The following NUP85 variants were observed in gnomAD, a reference collection of about 807,000 sequenced individuals.
The protein encoded by NUP85 is nuclear pore complex protein Nup85.
Under a neutral mutation model 92.8 loss-of-function variants are expected in NUP85, and 23 were observed. That is an observed-to-expected ratio of 0.25 (90% CI 0.18 to 0.35). The LOEUF (loss-of-function observed/expected upper bound fraction) is 0.35. Ranked by LOEUF, NUP85 falls within the 10% of genes least tolerant of loss-of-function variation. The pLI, the probability that NUP85 is intolerant of heterozygous loss-of-function variation, is 1.00. For synonymous variants in NUP85, 314 were observed against 306.9 expected (o/e 1.02, Z -0.24); for missense variants, 759 against 822.8 (o/e 0.92, Z 0.95).
intron 11 of NUP85, among the ~76,000 whole-genome samples, chr17:75,229,873 C>T (rs2075977315): frequency 1.3e-5 from 2 of 152,162 alleles, no homozygotes; most frequent in South Asian, 2.1e-4. Context: ...AGCCTTTTCA[C>T]TGGCTTCTCC....
chr17:75,235,065 G>A (rs367584941), intron 17 of NUP85, 35 bp from the exon 18 acceptor site: 26 of 1,551,240 alleles, frequency 1.7e-5, no homozygotes, highest in Admixed American at 3.4e-5. Context: ...GGCCAGGGCT[G>A]GGGGCAGCCA....
chr17:75,218,588 G>GTTT (rs67761124), intron 7 of NUP85, among the ~76,000 whole-genome samples: 2,416 of 82,640 alleles, frequency 0.029, 313 homozygotes, highest in Non-Finnish European at 0.039. Context: ...ATACAAAACC[G>GTTT]TTTTTTTTTT....
chr17:75,207,145 C>T (rs2075109364), intron 1 of NUP85, among the ~76,000 whole-genome samples: 3 of 151,608 alleles, frequency 2.0e-5, no homozygotes, highest in African/African-American at 7.3e-5. Context: ...TCCTTGTGAG[C>T]AATTTGTGAG....
At position 75,212,026 on chromosome 17, in the gene NUP85, A is replaced by C. The variant is rs548736873; in HGVS notation, c.325A>C (p.Ile109Leu). Residue 109 changes from isoleucine to leucine, a missense_variant, in exon 4 of 19, where the codon ATC becomes CTC. Transcript: ENST00000245544. ...VRVSKNYRSVIRACMEEMHQV... is the reference protein window; with the variant it reads ...VRVSKNYRSVLRACMEEMHQV... ...AGTGAGTAAAAACTACCGATCAGTCATCAGAGCATGTATGGAGGAAATGCA... is the reference window on the plus strand; with the variant it reads ...AGTGAGTAAAAACTACCGATCAGTCCTCAGAGCATGTATGGAGGAAATGCA... The C allele has an allele frequency of 3.7e-6, 6 of 1,613,752 alleles. No homozygotes were observed. In the African/African-American group the frequency reaches 8.0e-5, roughly 22 times the overall value.
At chr17:75,211,739 G>T (rs1028450699) in intron 3 of NUP85, among the ~76,000 whole-genome samples, 1 of 152,092 alleles carries the variant, frequency 6.6e-6, no homozygotes, top group Non-Finnish European at 1.5e-5. Flanking sequence ...TTGAGACAAG[G>T]TCTGACCAGT....
rs750326333 is a variant in NUP85, at chr17:75,232,863, G to C, written c.1409G>C (p.Cys470Ser). ...RQMTEQVRSICKILAMKAVRN... is the reference protein window; with the variant it reads ...RQMTEQVRSISKILAMKAVRN... ...TTCCCCTGCAAAGTTCGCAGCATTT[G>C]TAAGATCTTAGCCATGAAAGCCGTC... The change falls in exon 15 of 19, where the codon TGT becomes TCT. Residue 470 changes from cysteine (C) to serine (S), a missense_variant. By Grantham distance (112) the Cys-to-Ser change is moderately radical. Transcript: ENST00000245544. The C allele has an allele frequency of 6.8e-6, 11 of 1,614,148 alleles. No individual in the cohort carries two copies. In the Admixed American group the frequency reaches 8.3e-5, roughly 12 times the overall value.
Position 75,212,221 on chromosome 17 carries a change from A to T in NUP85, c.361+159A>T, listed in dbSNP as rs1345478421. 6.0e-5 allele frequency among the ~76,000 whole-genome samples: 7 copies of T among 116,066 alleles called. 1 individual carries two copies. In the East Asian group the frequency reaches 7.7e-4, roughly 13 times the overall value. 76.1% of individuals were successfully genotyped at this position (116,066 alleles called of 152,430 possible). A position where few individuals can be genotyped will look rare whatever the true frequency, so the allele number is the denominator to read the frequency against. On this transcript the variant is annotated intron_variant, in intron 4 of 18. Coordinates refer to ENST00000245544, the MANE Select transcript of NUP85 (RefSeq NM_024844.5). ...CATAATCCTTACTTTTTTGGTAATCATTTAGAGGTTTTTTTTTTTGTTGTT... is the reference window on the plus strand; with the variant it reads ...CATAATCCTTACTTTTTTGGTAATCTTTTAGAGGTTTTTTTTTTTGTTGTT...
At chr17:75,222,467 T>C (rs935269023) in intron 7 of NUP85, among the ~76,000 whole-genome samples, 1 of 149,472 alleles carries the variant, frequency 6.7e-6, no homozygotes, top group South Asian at 2.1e-4. Flanking sequence ...TTGGGAGTTA[T>C]CAGTATGTAT....
intron 1 of NUP85, among the ~76,000 whole-genome samples, chr17:75,206,621 T>C (rs1409930188): frequency 2.0e-5 from 3 of 149,762 alleles, no homozygotes; most frequent in Non-Finnish European, 4.4e-5. Context: ...TAAATCTGCA[T>C]TTTACCTGTG....
rs1263773852 is a variant in NUP85 at position 75,226,831 on chromosome 17, A to C, written c.1094+674A>C. 5 of 430,184 alleles carry C rather than the reference A, an allele frequency of 1.2e-5. No homozygotes were observed. In the East Asian group the frequency reaches 2.9e-4, roughly 25 times the overall value. The allele number at this position is 430,184 out of a possible 1,614,324, so 26.6% of individuals were successfully genotyped here. ...CAGCAAGCCTGTTTCTTGGCACCTA[A>C]TGGACACCTTATGGGATGGCGTGTT... On this transcript the variant is annotated intron_variant, in intron 11 of 18. Transcript: ENST00000245544.
At chr17:75,212,377 T>G (rs1421023308) in intron 4 of NUP85, among the ~76,000 whole-genome samples, 1 of 149,608 alleles carries the variant, frequency 6.7e-6, no homozygotes, top group Non-Finnish European at 1.5e-5. Flanking sequence ...CAAACGATTC[T>G]CTAGCCTCAG....
intron 4 of NUP85, 144 bp from the exon 5 acceptor site, chr17:75,212,932 T>C: frequency 1.2e-6 from 1 of 823,712 alleles, no homozygotes; most frequent in African/African-American, 1.7e-5. Flanking sequence ...AACAAAAAAA[T>C]CCATAATTAA....
Position 75,235,642 on chromosome 17 carries a change from G to T in NUP85, c.1934G>T (p.Arg645Leu), listed in dbSNP as rs372841934. The change falls in exon 19 of 19, where the codon CGG (arginine) becomes CTG (leucine). Residue 645 changes from arginine (R) to leucine (L), a missense_variant. Physicochemically the swap from Arg to Leu is moderately radical, Grantham distance 102. Transcript: ENST00000245544. The part of the protein sequence containing the change: ...LRLSLARNLA[R>L]AIIREGSLEG... ...CTTTCTCTGGCACGAAATCTTGCTC[G>T]GGCAATTATAAGAGAAGGCTCACTG... The T allele has an allele frequency of 1.2e-6, 2 of 1,614,022 alleles. No homozygotes were observed. Among genetic ancestry groups the T allele is most frequent in the Non-Finnish European group, 8.5e-7 (1 of 1,179,914 alleles).
rs770236589 is a variant in NUP85, at chr17:75,231,926, A to C, written c.1343A>C (p.Gln448Pro). The change falls in exon 14 of 19, where the codon CAG becomes CCG. Residue 448 changes from glutamine to proline, a missense_variant. By Grantham distance (76) the Gln-to-Pro change is moderately conservative. Transcript: ENST00000245544. This position sits in a 1 kb window ranked among gnomAD's most constrained non-coding sequence, Gnocchi z 4.6. ...HIERIPLNTE[Q>P]KALKVLRICE... ...GAGCGGATACCTCTGAACACCGAGC[A>C]GAAAGCCCTGAAGGTGCTGCGGATC... The C allele has an allele frequency of 6.2e-7, 1 of 1,614,224 alleles. No individual in the cohort carries two copies. Among genetic ancestry groups the C allele is most frequent in the East Asian group, 2.2e-5 (1 of 44,874 alleles).
chr17:75,205,694 C>G lies in NUP85; in HGVS notation c.-68C>G, dbSNP rs757370715. 1 of 1,599,730 alleles carries G rather than the reference C, an allele frequency of 6.3e-7. No homozygotes were observed. The highest frequency in any genetic ancestry group is 8.6e-7 in the Non-Finnish European group (1 of 1,167,196). ...GCGGAGTCTTGTCTCGCAGCCAGCTCTGAGCGGGAGGCCTGAGCGGGAAGC... is the reference window on the plus strand; with the variant it reads ...GCGGAGTCTTGTCTCGCAGCCAGCTGTGAGCGGGAGGCCTGAGCGGGAAGC... On this transcript the variant is annotated 5_prime_UTR_variant, in exon 1 of 19. Transcript: ENST00000245544.
At chr17:75,209,165 C>G (rs1189497857) in intron 2 of NUP85, among the ~76,000 whole-genome samples, 2 of 152,042 alleles carry the variant, frequency 1.3e-5, no homozygotes, top group Non-Finnish European at 2.9e-5. Flanking sequence ...GACCAAATTC[C>G]TATCAGTAGC....
chr17:75,208,969 C>G (rs1011118471), intron 2 of NUP85, among the ~76,000 whole-genome samples: 24 of 152,100 alleles, frequency 1.6e-4, no homozygotes, highest in Non-Finnish European at 3.2e-4. Context: ...GTCTCGCACT[C>G]CTGGCCTCAA....
At chr17:75,226,208 C>T (rs1458090300) in intron 11 of NUP85, 51 bp downstream of exon 11, 3 of 1,482,520 alleles carry the variant, frequency 2.0e-6, no homozygotes, top group East Asian at 4.5e-5. Flanking sequence ...GTACAAATAT[C>T]ACCACCTTGC....
At position 75,213,126 on chromosome 17, in the gene NUP85, G is replaced by A. The variant is rs1406120981; in HGVS notation, c.405+7G>A. 1.9e-6 allele frequency: 3 copies of A among 1,613,238 alleles called. No homozygotes were observed. In the African/African-American group the frequency reaches 4.0e-5, roughly 22 times the overall value. On this transcript the variant is annotated splice_region_variant and intron_variant, in intron 5 of 18. Transcript: ENST00000245544. ...CCGCCAGTTCAGCAGCCAGGTAAGG[G>A]GAGTCACCTTTATTGTTTTAGCACC...
Sources: allele counts gnomAD v4.1 joint callset (sites outside exome capture counted in the v4.1 genomes callset), GRCh38; gene constraint gnomAD v4.1.1; non-coding constraint Gnocchi (gnomAD v3.1); transcripts MANE v1.5; gene names NCBI Gene and HGNC (gene_info 2026-07-23, HGNC 2026-07-21).